The following FREM2 variants were observed in gnomAD, a reference collection of about 807,000 sequenced individuals.
The protein encoded by FREM2 is FRAS1-related extracellular matrix protein 2.
In FREM2, 119 loss-of-function variants were observed where a neutral mutation model predicts 219.9. That is an observed-to-expected ratio of 0.54 (90% CI 0.47 to 0.63). The LOEUF is 0.63. FREM2 is among the 30% of genes least tolerant of loss of function. The pLI is 0.00. For missense variants in FREM2, 4,030 were observed against 3,993.6 expected (o/e 1.01, Z -0.25); for synonymous variants, 1,562 against 1,522.8 (o/e 1.03, Z -0.60).
intron 2 of FREM2, among the ~76,000 whole-genome samples, chr13:38,706,303 T>C (rs1870538302): frequency 6.6e-6 from 1 of 152,222 alleles, no homozygotes; most frequent in African/African-American, 2.4e-5. Flanking sequence ...GTTGGAGAGA[T>C]TGATTAAATG....
In FREM2 at chr13:38,876,120, C is replaced by A; in HGVS notation, c.8380C>A (p.Gln2794Lys). The A allele has an allele frequency of 6.2e-7, 1 of 1,614,148 alleles. No homozygotes were observed. The highest frequency in any genetic ancestry group is 8.5e-7 in the Non-Finnish European group (1 of 1,180,010). The change falls in exon 19 of 24, where the codon CAG (glutamine) becomes AAG (lysine). Residue 2794 changes from glutamine to lysine, a missense_variant. By Grantham distance (53) the Gln-to-Lys change is moderately conservative (BLOSUM62 1). Around this residue, in one of 2 missense-constraint regions of FREM2, gnomAD observed 928 missense variants for 1,042.9 expected, o/e 0.89. Transcript: ENST00000280481. Reference sequence around the variant, plus strand: ...TGAACCAACCTATAACCAGCCAGTACAGCAGTGGAGCTTTGTCTCTGACTT... The same window carrying A: ...TGAACCAACCTATAACCAGCCAGTAAAGCAGTGGAGCTTTGTCTCTGACTT... ...RSEPTYNQPVQQWSFVSDFAV... is the reference protein window; with the variant it reads ...RSEPTYNQPVKQWSFVSDFAV...
chr13:38,815,959 A>G (rs776291423), intron 6 of FREM2, among the ~76,000 whole-genome samples: 2 of 152,142 alleles, frequency 1.3e-5, no homozygotes, highest in Non-Finnish European at 2.9e-5. Context: ...GGGGACAAAC[A>G]AACCATATCC....
intron 11 of FREM2, among the ~76,000 whole-genome samples, chr13:38,852,726 A>G (rs1193062107): frequency 7.2e-6 from 1 of 139,462 alleles, no homozygotes; most frequent in Non-Finnish European, 1.5e-5. Flanking sequence ...TTTTTTTGAG[A>G]CAGAGTCTCA....
Position 38,880,531 on chromosome 13 carries a change from G to C in FREM2, c.9254G>C (p.Arg3085Thr). 6.2e-7 allele frequency: 1 copy of C among 1,614,154 alleles called. No homozygotes were observed. Among genetic ancestry groups the C allele is most frequent in the Non-Finnish European group, 8.5e-7 (1 of 1,180,028 alleles). Residue 3085 changes from arginine to threonine, a missense_variant, in exon 24 of 24, where the codon AGG becomes ACG. This residue lies in a region of FREM2 where 928 missense variants were observed against 1,042.9 expected (regional missense o/e 0.89). Coordinates refer to ENST00000280481, the MANE Select transcript of FREM2 (RefSeq NM_207361.6). ...IQHIALDRTK[R>T]QIPHGRAPPD... ...CACATTGCCCTGGACCGCACCAAGA[G>C]GCAGATCCCCCATGGGAGAGCACCT...
intron 6 of FREM2, among the ~76,000 whole-genome samples, chr13:38,831,499 T>G (rs1326598586): frequency 6.6e-6 from 1 of 152,188 alleles, no homozygotes; most frequent in Non-Finnish European, 1.5e-5. Context: ...TGTATTGACT[T>G]TTCTTTACTC....
At chr13:38,796,458 G>C (rs9594293) in intron 6 of FREM2, among the ~76,000 whole-genome samples, 1 of 151,970 alleles carries the variant, frequency 6.6e-6, no homozygotes, top group Non-Finnish European at 1.5e-5. Flanking sequence ...CTCAGATAAT[G>C]GGGAAGTTCC....
At chr13:38,747,677 A>G (rs1177447898) in intron 2 of FREM2, among the ~76,000 whole-genome samples, 1 of 152,172 alleles carries the variant, frequency 6.6e-6, no homozygotes, top group East Asian at 1.9e-4. Flanking sequence ...CAAATCAATG[A>G]CTCAGAATTG....
chr13:38,708,530 T>C (rs1870630700), intron 2 of FREM2, among the ~76,000 whole-genome samples: 1 of 152,020 alleles, frequency 6.6e-6, no homozygotes, highest in Admixed American at 6.6e-5. Context: ...AGCGTGTGCC[T>C]GTAATCCCAG....
At position 38,848,972 on chromosome 13, in the gene FREM2, T is replaced by C. The variant is rs948661277; in HGVS notation, c.6379+302T>C. On this transcript the variant is annotated intron_variant, in intron 8 of 23. Transcript: ENST00000280481. ...GTTGTCCCTAAGTCTCTTTGCATGGTGTTCCCTGTATGTGTCTCTGTCTAA... is the reference window on the plus strand; with the variant it reads ...GTTGTCCCTAAGTCTCTTTGCATGGCGTTCCCTGTATGTGTCTCTGTCTAA... Among the ~76,000 whole-genome samples the C allele has an allele frequency of 1.9e-4, 29 of 152,110 alleles. No individual in the cohort carries two copies. The East Asian group carries it at 1.9e-3, about 10-fold the overall frequency.
At chr13:38,840,351 C>T (rs1876900423) in intron 6 of FREM2, among the ~76,000 whole-genome samples, 1 of 151,430 alleles carries the variant, frequency 6.6e-6, no homozygotes, top group Non-Finnish European at 1.5e-5. Context: ...AATCGCCTGC[C>T]TTCTGCGTTG....
intron 16 of FREM2, among the ~76,000 whole-genome samples, chr13:38,869,210 G>A (rs1359930358): frequency 1.3e-5 from 2 of 152,132 alleles, no homozygotes; most frequent in East Asian, 3.8e-4. Flanking sequence ...CCAAGTCCCT[G>A]CATTTTTCTT....
intron 16 of FREM2, among the ~76,000 whole-genome samples, chr13:38,871,012 T>A (rs544784579): frequency 6.6e-6 from 1 of 152,316 alleles, no homozygotes; most frequent in Non-Finnish European, 1.5e-5. Flanking sequence ...GTTGACTTAG[T>A]CACCGTCCAT....
At chr13:38,866,107 C>T (rs1227135943) in intron 16 of FREM2, among the ~76,000 whole-genome samples, 4 of 152,152 alleles carry the variant, frequency 2.6e-5, no homozygotes, top group Admixed American at 6.5e-5. Context: ...GGTTGCTTTT[C>T]TCTCAGATTG....
At chr13:38,868,697 A>G (rs1011073218) in intron 16 of FREM2, among the ~76,000 whole-genome samples, 4 of 152,230 alleles carry the variant, frequency 2.6e-5, no homozygotes, top group Admixed American at 1.3e-4. Flanking sequence ...ACAGTGGTCT[A>G]CAGCTTCATC....
At chr13:38,741,629 T>C (rs954859235) in intron 2 of FREM2, among the ~76,000 whole-genome samples, 1 of 152,326 alleles carries the variant, frequency 6.6e-6, no homozygotes, top group Admixed American at 6.5e-5. Flanking sequence ...AAATTGCAGA[T>C]AGTTATAACT....
chr13:38,756,106 G>A (rs1026429959), intron 2 of FREM2, among the ~76,000 whole-genome samples: 1 of 152,206 alleles, frequency 6.6e-6, no homozygotes, highest in African/African-American at 2.4e-5. Context: ...GACAAAATGT[G>A]TGGGGTAAAC....
At chr13:38,878,403 G>A in intron 22 of FREM2, 82 bp downstream of exon 22, 3 of 885,858 alleles carry the variant, frequency 3.4e-6, no homozygotes, top group Non-Finnish European at 5.4e-6. Flanking sequence ...AACAAGGCTG[G>A]GCACAGTGGC....
chr13:38,717,805 A>G (rs936532857), intron 2 of FREM2, among the ~76,000 whole-genome samples: 1 of 152,218 alleles, frequency 6.6e-6, no homozygotes, highest in Non-Finnish European at 1.5e-5. Flanking sequence ...GCTTCACTTG[A>G]CAAAATGACC....
In FREM2 at chr13:38,783,192, C is replaced by T; in HGVS notation, c.5764C>T (p.Gln1922Ter). Residue 1922 changes from glutamine to a stop codon, truncating the protein, a stop_gained, in exon 5 of 24, where the codon CAA becomes TAA. Transcript: ENST00000280481. LOFTEE classifies it high-confidence loss of function. ...GTTGATGGTGGTCTGTTATACCCAACAAGGTAGCTCGATTTGCCGAAAAAC... is the reference window on the plus strand; with the variant it reads ...GTTGATGGTGGTCTGTTATACCCAATAAGGTAGCTCGATTTGCCGAAAAAC... ...QELMVVCYTQ[Q>*]GTATGTVPTS... 2 of 1,614,062 alleles carry T rather than the reference C, an allele frequency of 1.2e-6. No individual in the cohort carries two copies. Among genetic ancestry groups the T allele is most frequent in the Non-Finnish European group, 1.7e-6 (2 of 1,179,948 alleles).
Sources: gnomAD v4.1 joint callset for allele counts (sites outside exome capture counted in the v4.1 genomes callset) on GRCh38, gnomAD v4.1.1 for gene constraint, gnomAD v4.1.1 regional missense constraint, MANE v1.5 for transcripts, NCBI Gene and HGNC (gene_info 2026-07-23, HGNC 2026-07-21) for gene names.